C9: variants seen among roughly 807,000 people sequenced by gnomAD.
C9 encodes the protein complement C9, also known as complement component C9.
C9 carries 63 observed loss-of-function variants against 65.4 expected under a neutral mutation model. The ratio of observed to expected loss-of-function variants is 0.96; its 90% confidence interval spans 0.79 to 1.19. The LOEUF (loss-of-function observed/expected upper bound fraction) is 1.19. Ranked by LOEUF, C9 falls within the 50% of genes most tolerant of loss-of-function variation. The pLI, the probability that C9 is intolerant of heterozygous loss-of-function variation, is 0.00. For synonymous variants in C9, 229 were observed against 227.9 expected (o/e 1.00, Z -0.04); for missense variants, 744 against 670.1 (o/e 1.11, Z -1.22).
At position 39,306,664 on chromosome 5, in the gene C9, T is replaced by C. The variant is rs1227574048; in HGVS notation, c.1369A>G (p.Asn457Asp). Residue 457 changes from asparagine to aspartate, a missense_variant, in exon 9 of 11, where the codon AAC (asparagine) becomes GAC (aspartate). By Grantham distance (23) the Asn-to-Asp change is conservative. Transcript: ENST00000263408. ...GTVIDVTDFV[N>D]WASSINDAPV... ...GCATCATTTATGGAAGAGGCCCAGTTGACAAAGTCAGTCACATCAATCACG... is the reference window on the plus strand; with the variant it reads ...GCATCATTTATGGAAGAGGCCCAGTCGACAAAGTCAGTCACATCAATCACG... 6.2e-7 allele frequency: 1 copy of C among 1,613,910 alleles called. No individual in the cohort carries two copies. Among genetic ancestry groups the C allele is most frequent in the South Asian group, 1.1e-5 (1 of 91,088 alleles).
chr5:39,289,975 ATT>A (rs1264141773), intron 9 of C9, among the ~76,000 whole-genome samples: 2 of 151,904 alleles, frequency 1.3e-5, no homozygotes, highest in Admixed American at 1.3e-4. Context: ...AAGTAAAAGT[ATT>A]TATTTGGCAC....
At chr5:39,353,931 T>C (rs1754369162) in intron 1 of C9, among the ~76,000 whole-genome samples, 1 of 152,074 alleles carries the variant, frequency 6.6e-6, no homozygotes, top group Non-Finnish European at 1.5e-5. Flanking sequence ...TTTGGCCAAA[T>C]CTAGGCCTGT....
chr5:39,364,232 C>G (rs1364387066), intron 1 of C9, among the ~76,000 whole-genome samples, 156 bp downstream of exon 1: 1 of 152,098 alleles, frequency 6.6e-6, no homozygotes, highest in East Asian at 1.9e-4. Context: ...AAGATGCACC[C>G]TATGTATTTT....
chr5:39,284,729 A>G lies in C9; in HGVS notation c.*470T>C, dbSNP rs1465527499. 6.4e-6 allele frequency: 1 copy of G among 157,122 alleles called. No individual in the cohort carries two copies. The highest frequency in any genetic ancestry group is 2.4e-5 in the African/African-American group (1 of 41,490). The allele number at this position is 157,122 out of a possible 1,614,324, so 9.7% of individuals were successfully genotyped here. A position where few individuals can be genotyped will look rare whatever the true frequency, so the allele number is the denominator to read the frequency against. On this transcript the variant is annotated 3_prime_UTR_variant, in exon 11 of 11. Transcript: ENST00000263408. ...GCTGTGCACGTGGCTGGTGCTCAGCATTTGCTGAATGAATGTATGCACACC... is the reference window on the plus strand; with the variant it reads ...GCTGTGCACGTGGCTGGTGCTCAGCGTTTGCTGAATGAATGTATGCACACC...
chr5:39,325,913 A>G (rs2111917515), intron 5 of C9, among the ~76,000 whole-genome samples: 1 of 152,198 alleles, frequency 6.6e-6, no homozygotes, highest in Non-Finnish European at 1.5e-5. Flanking sequence ...TTTCATATAG[A>G]CCCTCAAACT....
At chr5:39,324,972 T>C (rs1440132992) in intron 5 of C9, among the ~76,000 whole-genome samples, 1 of 152,158 alleles carries the variant, frequency 6.6e-6, no homozygotes, top group East Asian at 1.9e-4. Flanking sequence ...GTTCATATAA[T>C]ACTCCTTGAA....
chr5:39,321,071 T>C (rs1753658716), intron 5 of C9, among the ~76,000 whole-genome samples: 2 of 151,976 alleles, frequency 1.3e-5, no homozygotes, highest in African/African-American at 2.4e-5. Context: ...ATTCATAACA[T>C]AAAAAATTTA....
intron 1 of C9, among the ~76,000 whole-genome samples, chr5:39,351,488 C>T (rs886735504): frequency 6.6e-6 from 1 of 152,174 alleles, no homozygotes; most frequent in Non-Finnish European, 1.5e-5. Context: ...AATATAAGTT[C>T]TCTTTGCTTA....
Position 39,311,325 on chromosome 5 carries a change from A to G in C9, c.923T>C (p.Met308Thr), listed in dbSNP as rs760748503. ...KGEIHLGRFVMRNRDVVLTTT... is the reference protein window; with the variant it reads ...KGEIHLGRFVTRNRDVVLTTT... ...TGTGAGCACAACATCGCGATTTCTC[A>G]TTACAAATCTTCCCAGATGAATTTC... Residue 308 changes from methionine (M) to threonine (T), a missense_variant, in exon 7 of 11, where the codon ATG becomes ACG. By Grantham distance (81) the Met-to-Thr change is moderately conservative. Transcript: ENST00000263408. 6.2e-7 allele frequency: 1 copy of G among 1,611,148 alleles called. No individual in the cohort carries two copies. The highest frequency in any genetic ancestry group is 1.1e-5 in the South Asian group (1 of 91,030).
At chr5:39,304,470 G>A (rs1753339022) in intron 9 of C9, among the ~76,000 whole-genome samples, 1 of 152,066 alleles carries the variant, frequency 6.6e-6, no homozygotes, top group African/African-American at 2.4e-5. Flanking sequence ...ATAGCTACAA[G>A]TTAACCAGAG....
At chr5:39,349,329 A>G (rs1374079402) in intron 1 of C9, among the ~76,000 whole-genome samples, 1 of 152,098 alleles carries the variant, frequency 6.6e-6, no homozygotes, top group Non-Finnish European at 1.5e-5. Context: ...CATTTGTAAT[A>G]TAAAGTGTTC....
At chr5:39,346,738 A>G (rs921495940) in intron 1 of C9, among the ~76,000 whole-genome samples, 13 of 152,262 alleles carry the variant, frequency 8.5e-5, no homozygotes, top group African/African-American at 3.1e-4. Context: ...TTTTAGACCA[A>G]TATCTCTGAT....
chr5:39,314,755 G>C (rs1579852490), intron 6 of C9, among the ~76,000 whole-genome samples: 1 of 152,130 alleles, frequency 6.6e-6, no homozygotes, highest in East Asian at 1.9e-4. Context: ...ATGAAGCTAA[G>C]CCTGAGCTTC....
chr5:39,288,001 A>G (rs1753022476), intron 10 of C9, among the ~76,000 whole-genome samples: 1 of 152,012 alleles, frequency 6.6e-6, no homozygotes, highest in Non-Finnish European at 1.5e-5. Context: ...ATGTAAAATA[A>G]TGTTTCCTTA....
Position 39,316,028 on chromosome 5 carries a change from G to C in C9, c.617C>G (p.Thr206Ser). ...PWNVASLIYE[T>S]KGEKNFRTEH... ...GGTTCTGAAATTTTTCTCGCCTTTG[G>C]TCTAAAAGAGAATAAAAAAGTGTTG... is the stretch of plus-strand genomic sequence containing the variant. Residue 206 changes from threonine to serine, a missense_variant and splice_region_variant, in exon 6 of 11, where the codon ACC becomes AGC. Thr to Ser is a moderately conservative substitution (Grantham distance 58, BLOSUM62 1). Transcript: ENST00000263408. 1 of 1,609,580 alleles carries C rather than the reference G, an allele frequency of 6.2e-7. No individual in the cohort carries two copies. The highest frequency in any genetic ancestry group is 8.5e-7 in the Non-Finnish European group (1 of 1,177,034).
At position 39,364,384 on chromosome 5, in the gene C9, T is replaced by A; in HGVS notation, c.77+4A>T. 3 of 1,555,066 alleles carry A rather than the reference T, an allele frequency of 1.9e-6. No homozygotes were observed. The highest frequency in any genetic ancestry group is 2.7e-6 in the Non-Finnish European group (3 of 1,126,056). On this transcript the variant is annotated splice_donor_region_variant and intron_variant, in intron 1 of 10. Coordinates refer to ENST00000263408, the MANE Select transcript of C9 (RefSeq NM_001737.5). ...AGAGACAAGCAGAAAAGTAACTGAC[T>A]CACCTGGTCGTGTACTGTGCTGTGA...
At chr5:39,347,387 C>T (rs1754219182) in intron 1 of C9, among the ~76,000 whole-genome samples, 1 of 152,126 alleles carries the variant, frequency 6.6e-6, no homozygotes, top group South Asian at 2.1e-4. Context: ...AACAGACAAA[C>T]AGAGAGCCAA....
At chr5:39,288,627 G>A (rs531465181) in intron 10 of C9, 96 bp downstream of exon 10, 2 of 728,638 alleles carry the variant, frequency 2.7e-6, no homozygotes, top group South Asian at 3.0e-5. Context: ...ATAATCTAGA[G>A]ATTTAGTACA....
In C9 at chr5:39,311,136, C is replaced by G. The variant is rs544567518; in HGVS notation, c.1111+1G>C. On this transcript the variant is annotated splice_donor_variant, in intron 7 of 10. Coordinates refer to ENST00000263408, the MANE Select transcript of C9 (RefSeq NM_001737.5). LOFTEE classifies it high-confidence loss of function. ...AGTCAGAGCTCTATTTCTAGGCATACCTTTCCGCTTCATGGAAGCTTTATC... is the reference window on the plus strand; with the variant it reads ...AGTCAGAGCTCTATTTCTAGGCATAGCTTTCCGCTTCATGGAAGCTTTATC... 6.2e-6 allele frequency: 10 copies of G among 1,613,180 alleles called. No homozygotes were observed. Among genetic ancestry groups the G allele is most frequent in the African/African-American group, 1.3e-5 (1 of 74,884 alleles).
Sources: gnomAD v4.1 joint callset for allele counts (sites outside exome capture counted in the v4.1 genomes callset) on GRCh38, gnomAD v4.1.1 for gene constraint, MANE v1.5 for transcripts, NCBI Gene and HGNC (gene_info 2026-07-23, HGNC 2026-07-21) for gene names.